KCNQ2: variants seen among roughly 807,000 people sequenced by gnomAD.
The protein encoded by KCNQ2 is potassium voltage-gated channel subfamily KQT member 2.
In KCNQ2, 14 loss-of-function variants were observed where a neutral mutation model predicts 84.8. The ratio of observed to expected loss-of-function variants is 0.17; its 90% CI spans 0.11 to 0.26. The LOEUF is 0.26. Ranked by LOEUF, KCNQ2 falls within the 10% of genes least tolerant of loss-of-function variation. The pLI is 1.00. For synonymous variants in KCNQ2, 599 were observed against 554.1 expected, an observed-to-expected ratio of 1.08 and a Z score of -1.14; for missense variants, 788 against 1,254.0, an observed-to-expected ratio of 0.63 and a Z score of 5.61.
At chr20:63,429,520 G>T (rs759578389) in intron 9 of KCNQ2, among the ~76,000 whole-genome samples, 2 of 151,970 alleles carry the variant, frequency 1.3e-5, no homozygotes, top group Non-Finnish European at 2.9e-5. Context: ...CCCTGCCCGT[G>T]TCCTCCCTCT....
In KCNQ2 at chr20:63,414,493, G is replaced by C. The variant is rs755377349; in HGVS notation, c.1526-300C>G. On this transcript the variant is annotated intron_variant, in intron 13 of 16. Transcript: ENST00000359125. The surrounding 1 kb of genome is among the most constrained non-coding windows in gnomAD (Gnocchi z 6.6). ...CACGCACAGATGTTAACGGCGGAAGGTGCAGGCCTGACATCTGAGGCTCAG... is the reference window on the plus strand; with the variant it reads ...CACGCACAGATGTTAACGGCGGAAGCTGCAGGCCTGACATCTGAGGCTCAG... 7.0e-4 allele frequency among the ~76,000 whole-genome samples: 106 copies of C among 152,250 alleles called. No homozygotes were observed. The highest frequency in any genetic ancestry group is 1.3e-3 in the Non-Finnish European group (89 of 68,024).
chr20:63,439,764 G>A, intron 5 of KCNQ2, 56 bp from the exon 6 acceptor site: 1 of 1,358,878 alleles, frequency 7.4e-7, no homozygotes, highest in Non-Finnish European at 1.1e-6. Flanking sequence ...CCTGAGGGCA[G>A]GCTGGACGCC....
At chr20:63,442,656 C>CCACCAT (rs879174089) in intron 4 of KCNQ2, 125 bp from the exon 5 acceptor site, 10 of 610,746 alleles carry the variant, frequency 1.6e-5, no homozygotes, top group Non-Finnish European at 2.5e-5. Context: ...ACCATCACCA[C>CCACCAT]CACCATCACC....
intron 1 of KCNQ2, 82 bp downstream of exon 1, chr20:63,472,086 G>T: frequency 9.2e-7 from 1 of 1,085,734 alleles, no homozygotes; most frequent in East Asian, 3.1e-5. Context: ...ACCCGCCGCA[G>T]CCAGCCTGGC....
Position 63,425,062 on chromosome 20 carries a change from C to T in KCNQ2, c.1218-856G>A, listed in dbSNP as rs989666041. ...AGGTGTCCTTGGCTTGTGGCTGCAC[C>T]GCCCCGTCTCTGCCTCCGTCTCTAC... On this transcript the variant is annotated intron_variant, in intron 10 of 16. Transcript: ENST00000359125. The surrounding 1 kb of genome is among the most constrained non-coding windows in gnomAD (Gnocchi z 5.5). 1.3e-5 allele frequency among the ~76,000 whole-genome samples: 2 copies of T among 151,970 alleles called. No individual in the cohort carries two copies. Among genetic ancestry groups the T allele is most frequent in the Non-Finnish European group, 2.9e-5 (2 of 67,978 alleles).
chr20:63,404,376 CCATACTGGT>C lies in KCNQ2; in HGVS notation c.*2259_*2267del, dbSNP rs1229453386. ...GGGGGGGAGGAAAGAGCAGGTGGGGCCATACTGGTGGGGGAGGAAAGAGCAGGCGGGGCC... is the reference window on the plus strand; with the variant it reads ...GGGGGGGAGGAAAGAGCAGGTGGGGCGGGGGAGGAAAGAGCAGGCGGGGCC... On this transcript the variant is annotated 3_prime_UTR_variant, in exon 17 of 17. Coordinates refer to ENST00000359125, the MANE Select transcript of KCNQ2 (RefSeq NM_172107.4). 8 of 141,030 alleles carry C rather than the reference CCATACTGGT, an allele frequency of 5.7e-5. No homozygotes were observed. Among genetic ancestry groups the C allele is most frequent in the African/African-American group, 2.3e-4 (8 of 35,446 alleles). 8.7% of individuals were successfully genotyped at this position (141,030 alleles called of 1,614,324 possible). A position where few individuals can be genotyped will look rare whatever the true frequency, so the allele number is the denominator to read the frequency against.
In KCNQ2 at chr20:63,438,857, C is replaced by A. The variant is rs1387369613; in HGVS notation, c.928-137G>T. 4.3e-6 allele frequency: 3 copies of A among 690,112 alleles called. No homozygotes were observed. Among genetic ancestry groups the A allele is most frequent in the Non-Finnish European group, 7.8e-6 (3 of 383,418 alleles). 42.7% of individuals were successfully genotyped at this position (690,112 alleles called of 1,614,324 possible). On this transcript the variant is annotated intron_variant, in intron 6 of 16. Transcript: ENST00000359125. The surrounding 1 kb of genome is among the most constrained non-coding windows in gnomAD (Gnocchi z 5.1). ...CACACTCCAGAGACTCACACACCCC[C>A]CAATTCATCAGGGTCAGACCACGCC...
At chr20:63,418,652 A>C (rs73157644) in intron 12 of KCNQ2, among the ~76,000 whole-genome samples, 30,928 of 152,114 alleles carry the variant, frequency 0.2, 3,648 homozygotes, top group East Asian at 0.57. Flanking sequence ...TGCTCCGGAC[A>C]CGCAGGACAG....
intron 9 of KCNQ2, 112 bp from the exon 10 acceptor site, chr20:63,428,547 C>T (rs1319223291): frequency 5.5e-6 from 5 of 902,450 alleles, no homozygotes; most frequent in Admixed American, 2.0e-5. Context: ...AGACACCCGG[C>T]GGCATGTGAC....
chr20:63,453,314 C>T (rs543234358), intron 1 of KCNQ2, among the ~76,000 whole-genome samples: 10 of 152,378 alleles, frequency 6.6e-5, no homozygotes, highest in African/African-American at 2.4e-4. Context: ...CCGAAGCTCC[C>T]GGCTCCAGGC....
intron 12 of KCNQ2, among the ~76,000 whole-genome samples, chr20:63,416,496 G>A (rs778096952): frequency 1.3e-5 from 2 of 152,202 alleles, no homozygotes; most frequent in Non-Finnish European, 2.9e-5. Flanking sequence ...CTCACGAACT[G>A]GGGACCCGCT....
chr20:63,413,967 C>T (rs1470516124), intron 14 of KCNQ2, 121 bp downstream of exon 14: 11 of 766,600 alleles, frequency 1.4e-5, no homozygotes, highest in Non-Finnish European at 2.3e-5. Context: ...CCTTTCTTTT[C>T]CCAGTAGACT....
intron 8 of KCNQ2, among the ~76,000 whole-genome samples, chr20:63,432,334 CCACCCTCAGGGAAGGAT>C: frequency 7.0e-6 from 1 of 143,640 alleles, no homozygotes; most frequent in Middle Eastern, 4.1e-3. Context: ...TGGGAAGGCT[CCACCCTCAGGGAAGGAT>C]CCACCCACAG....
intron 3 of KCNQ2, 33 bp downstream of exon 3, chr20:63,445,205 G>T (rs761835845): frequency 8.1e-6 from 13 of 1,613,758 alleles, no homozygotes; most frequent in South Asian, 1.1e-5. Context: ...GCCTGGCCCT[G>T]ATTCTAGCAA....
rs556162035 is a variant in KCNQ2, at chr20:63,462,279, C to T, written c.296+9889G>A. On this transcript the variant is annotated intron_variant, in intron 1 of 16. Coordinates refer to ENST00000359125, the MANE Select transcript of KCNQ2 (RefSeq NM_172107.4). ...CCTACCCCAGGCAGCAGGGAGGAGGCTGCACCTACCCCAGGCAGCAGGGAG... is the reference window on the plus strand; with the variant it reads ...CCTACCCCAGGCAGCAGGGAGGAGGTTGCACCTACCCCAGGCAGCAGGGAG... Among the ~76,000 whole-genome samples the T allele has an allele frequency of 2.9e-5, 4 of 139,536 alleles. No homozygotes were observed. The East Asian group carries it at 6.4e-4, about 22-fold the overall frequency. The allele number at this position is 139,536 out of a possible 152,430, so 91.5% of individuals were successfully genotyped here.
chr20:63,439,521 C>T, intron 6 of KCNQ2, 77 bp downstream of exon 6: 1 of 1,097,740 alleles, frequency 9.1e-7, no homozygotes, highest in Non-Finnish European at 1.4e-6. Context: ...GGGAACTGTG[C>T]CCAGGGGCCT....
intron 8 of KCNQ2, chr20:63,433,486 G>A (rs750767800): frequency 9.8e-5 from 54 of 551,646 alleles, no homozygotes; most frequent in South Asian, 1.5e-4. Flanking sequence ...AGCAGCTGTC[G>A]GTCCAGAGCA....
chr20:63,432,102 ACC>A (rs1429918262), intron 8 of KCNQ2, among the ~76,000 whole-genome samples: 7 of 141,572 alleles, frequency 4.9e-5, no homozygotes, highest in African/African-American at 1.8e-4. Context: ...GGAAGGCCCC[ACC>A]CTCAGGGAAG....
rs1490863962 is a variant in KCNQ2, at chr20:63,407,452, T to C, written c.1888-77A>G. The C allele has an allele frequency of 1.4e-5, 22 of 1,517,660 alleles. No homozygotes were observed. Among genetic ancestry groups the C allele is most frequent in the Non-Finnish European group, 2.0e-5 (22 of 1,118,586 alleles). The allele number at this position is 1,517,660 out of a possible 1,614,324, so 94.0% of individuals were successfully genotyped here. On this transcript the variant is annotated intron_variant, in intron 16 of 16. Coordinates refer to ENST00000359125, the MANE Select transcript of KCNQ2 (RefSeq NM_172107.4). The surrounding 1 kb of genome is among the most constrained non-coding windows in gnomAD (Gnocchi z 7.2). ...GGGGACCCAGGCTGCTCCCAGGAAA[T>C]GGGGGGGCCCAGGCTGGTTCCAGGA... is the stretch of plus-strand genomic sequence containing the variant.
Sources: allele counts gnomAD v4.1 joint callset (sites outside exome capture counted in the v4.1 genomes callset), GRCh38; gene constraint gnomAD v4.1.1; non-coding constraint Gnocchi (gnomAD v3.1); transcripts MANE v1.5; gene names NCBI Gene and HGNC (gene_info 2026-07-23, HGNC 2026-07-21).